Variants in DYSF observed in about 807,000 individuals in gnomAD.
DYSF encodes the protein dysferlin, also known as dystrophy-associated fer-1-like 1.
In DYSF, 212 loss-of-function variants were observed where a neutral mutation model predicts 274.9. The observed-to-expected ratio is 0.77, with a 90% CI of 0.69 to 0.86. DYSF has a LOEUF of 0.86. Among genes scored for constraint, DYSF ranks in the 40% least tolerant of loss-of-function variants. The probability of loss-of-function intolerance (pLI) is 0.00; values close to 1 mark genes in which losing one functional copy is unlikely to be tolerated. For missense variants in DYSF, 2,666 were observed against 2,783.2 expected, an observed-to-expected ratio of 0.96 and a Z score of 0.95; for synonymous variants, 1,091 against 1,078.7, an observed-to-expected ratio of 1.01 and a Z score of -0.22.
At chr2:71,457,585 C>T (rs1459122679) in intron 1 of DYSF, among the ~76,000 whole-genome samples, 1 of 152,220 alleles carries the variant, frequency 6.6e-6, no homozygotes, top group African/African-American at 2.4e-5. Context: ...GTGGTCCTTA[C>T]TGCTGCTTGC....
chr2:71,464,543 G>A (rs1292685992), upstream of DYSF, among the ~76,000 whole-genome samples: 7 of 152,196 alleles, frequency 4.6e-5, no homozygotes, highest in Non-Finnish European at 1.0e-4. Flanking sequence ...ACCCTGGGGA[G>A]GCGCTGGTCT....
intron 52 of DYSF, among the ~76,000 whole-genome samples, chr2:71,675,210 T>C (rs2095199550): frequency 6.6e-6 from 1 of 151,994 alleles, no homozygotes; most frequent in African/African-American, 2.4e-5. Context: ...GATGGAAAGG[T>C]TCTGGAATTA....
rs1411437971 is a variant in DYSF at position 71,590,192 on chromosome 2, GT to G, written c.3497-13del. 2.4e-5 allele frequency: 39 copies of G among 1,613,908 alleles called. No individual in the cohort carries two copies. Among genetic ancestry groups the G allele is most frequent in the Non-Finnish European group, 3.2e-5 (38 of 1,179,950 alleles). On this transcript the variant is annotated intron_variant, in intron 31 of 55. Coordinates refer to ENST00000410020, the MANE Select transcript of DYSF (RefSeq NM_001130987.2). The stretch of plus-strand genomic sequence containing the variant: ...TCCAGCCACTCACTCTGGCACCTCT[GT>G]TTTTTCCCTTGGTGAAGATGGGAAC...
chr2:71,669,085 G>A (rs779136106), intron 49 of DYSF, 27 bp from the exon 50 acceptor site: 1 of 1,554,376 alleles, frequency 6.4e-7, no homozygotes, highest in South Asian at 1.2e-5. Context: ...GGAAATCTAG[G>A]TGGATTAGAG....
At chr2:71,532,604 T>A (rs532507602) in intron 14 of DYSF, among the ~76,000 whole-genome samples, 2 of 152,220 alleles carry the variant, frequency 1.3e-5, no homozygotes, top group African/African-American at 4.8e-5. Context: ...ACCCACATCC[T>A]GGTGAAGGTA....
chr2:71,583,170 T>C (rs2092953165), intron 30 of DYSF, among the ~76,000 whole-genome samples: 1 of 152,216 alleles, frequency 6.6e-6, no homozygotes, highest in African/African-American at 2.4e-5. Context: ...ATGGCTGTGT[T>C]TAACAACTGG....
chr2:71,670,194 G>A (rs915975621), intron 51 of DYSF, among the ~76,000 whole-genome samples: 9 of 152,054 alleles, frequency 5.9e-5, no homozygotes, highest in African/African-American at 2.2e-4. Flanking sequence ...CCACCCCATG[G>A]CCACCTCATG....
intron 13 of DYSF, 48 bp downstream of exon 13, chr2:71,526,394 C>G: frequency 3.1e-6 from 4 of 1,295,400 alleles, no homozygotes; most frequent in Admixed American, 2.0e-5. Flanking sequence ...AGGCTGGAGG[C>G]GCAGGGCTGG....
intron 47 of DYSF, among the ~76,000 whole-genome samples, chr2:71,666,169 G>C (rs372650021): frequency 6.6e-6 from 1 of 151,888 alleles, no homozygotes; most frequent in Non-Finnish European, 1.5e-5. Context: ...ATCTGTTTTC[G>C]GGGGAGTCTC....
chr2:71,456,211 T>G (rs2081056698), intron 1 of DYSF, among the ~76,000 whole-genome samples: 1 of 151,874 alleles, frequency 6.6e-6, no homozygotes, highest in Admixed American at 6.6e-5. Context: ...GGAAAGGAAG[T>G]ACATTTTCTG....
chr2:71,475,831 C>T (rs1028274420), intron 1 of DYSF, among the ~76,000 whole-genome samples: 2 of 152,054 alleles, frequency 1.3e-5, no homozygotes, highest in Non-Finnish European at 2.9e-5. Flanking sequence ...TGCAGTGGTA[C>T]GACCACAGCT....
At chr2:71,637,953 G>A (rs1373820582) in intron 41 of DYSF, among the ~76,000 whole-genome samples, 7 of 152,152 alleles carry the variant, frequency 4.6e-5, no homozygotes. Flanking sequence ...CGGGAGGAAG[G>A]TCATAGGCCA....
chr2:71,618,608 G>GTGTGTTTGTGTGGGGTAGAGTTGTGTGT (rs2094004346), intron 40 of DYSF, among the ~76,000 whole-genome samples: 3 of 36,152 alleles, frequency 8.3e-5, no homozygotes, highest in Admixed American at 2.8e-4. Flanking sequence ...AGAGGTGGTG[G>GTGTGTTTGTGTGGGGTAGAGTTGTGTGT]GTGTGGTAGA....
At chr2:71,514,903 A>G (rs899600837) in intron 7 of DYSF, among the ~76,000 whole-genome samples, 1 of 152,112 alleles carries the variant, frequency 6.6e-6, no homozygotes, top group African/African-American at 2.4e-5. Context: ...TAAAATGAGG[A>G]GATTAAAAAT....
chr2:71,467,492 T>G (rs1228440849), intron 1 of DYSF, among the ~76,000 whole-genome samples: 4 of 152,138 alleles, frequency 2.6e-5, no homozygotes, highest in Admixed American at 1.3e-4. Flanking sequence ...TTCTCTAAAT[T>G]CAAGAAGCTA....
intron 22 of DYSF, among the ~76,000 whole-genome samples, chr2:71,560,417 G>GGCTCCGGCCCAGGCCCC (rs2091652721): frequency 7.2e-6 from 1 of 138,784 alleles, no homozygotes; most frequent in Non-Finnish European, 1.5e-5. Flanking sequence ...TCCCAGGCAG[G>GGCTCCGGCCCAGGCCCC]CCCCCGCCCC....
chr2:71,516,175 AAC>A lies in DYSF; in HGVS notation c.889-3_889-2del. 1 of 1,614,200 alleles carries A rather than the reference AAC, an allele frequency of 6.2e-7. No individual in the cohort carries two copies. Among genetic ancestry groups the A allele is most frequent in the Non-Finnish European group, 8.5e-7 (1 of 1,180,022 alleles). On this transcript the variant is annotated splice_polypyrimidine_tract_variant and splice_region_variant and intron_variant, in intron 8 of 55. Coordinates refer to ENST00000410020, the MANE Select transcript of DYSF (RefSeq NM_001130987.2). ...GATATGTCTCTCTTTGCTCTGAACC[AAC>A]AGACTCTTTTCTTCAACTTGTTTGA... is the stretch of plus-strand genomic sequence containing the variant.
chr2:71,547,195 C>T (rs964126006), intron 17 of DYSF, among the ~76,000 whole-genome samples: 7 of 152,210 alleles, frequency 4.6e-5, no homozygotes, highest in Non-Finnish European at 1.0e-4. Context: ...GACACAGGGG[C>T]GAGAGCCCGG....
In DYSF at chr2:71,564,041, C is replaced by T; in HGVS notation, c.2410-17C>T. On this transcript the variant is annotated splice_polypyrimidine_tract_variant and intron_variant, in intron 23 of 55. Transcript: ENST00000410020. ...GGTGTGTCACCATCCCCACCCCGACCACCACCCTCTGTTCAGCCCCAGAAC... is the reference window on the plus strand; with the variant it reads ...GGTGTGTCACCATCCCCACCCCGACTACCACCCTCTGTTCAGCCCCAGAAC... 3.7e-6 allele frequency: 6 copies of T among 1,613,762 alleles called. No individual in the cohort carries two copies. Among genetic ancestry groups the T allele is most frequent in the Non-Finnish European group, 5.1e-6 (6 of 1,179,916 alleles).
Sources: allele counts gnomAD v4.1 joint callset (sites outside exome capture counted in the v4.1 genomes callset), GRCh38; gene constraint gnomAD v4.1.1; transcripts MANE v1.5; gene names NCBI Gene and HGNC (gene_info 2026-07-23, HGNC 2026-07-21).